Variants in ARID1B observed in about 807,000 individuals in gnomAD.
ARID1B encodes the protein AT-rich interactive domain-containing protein 1B.
Under a neutral mutation model 212.3 loss-of-function variants are expected in ARID1B, and 30 were observed. That is an observed-to-expected ratio of 0.14 (90% CI 0.11 to 0.19). The LOEUF is 0.19. Among genes scored for constraint, ARID1B ranks in the 10% least tolerant of loss-of-function variants. ARID1B has a pLI of 1.00. For missense variants in ARID1B, 2,891 were observed against 3,204.0 expected, an observed-to-expected ratio of 0.90 and a Z score of 2.36; for synonymous variants, 1,402 against 1,301.7, an observed-to-expected ratio of 1.08 and a Z score of -1.66.
At chr6:157,057,886 T>C (rs977051514) in intron 4 of ARID1B, among the ~76,000 whole-genome samples, 42 of 152,106 alleles carry the variant, frequency 2.8e-4, no homozygotes, top group African/African-American at 9.7e-4. Context: ...TATGAGTACA[T>C]TGAGTGGTTT....
At chr6:157,150,944 C>G (rs1790155292) in intron 8 of ARID1B, 2 of 171,070 alleles carry the variant, frequency 1.2e-5, no homozygotes, top group Admixed American at 1.3e-4. Context: ...GAAAGGAACA[C>G]CCAAACCAAG....
chr6:156,844,895 A>G (rs896506555), intron 2 of ARID1B, among the ~76,000 whole-genome samples: 2 of 152,218 alleles, frequency 1.3e-5, no homozygotes, highest in Non-Finnish European at 2.9e-5. Flanking sequence ...GTTTTAAGAA[A>G]TGTATACATC....
At chr6:156,897,264 C>CTTCTTCTTCTTCTTCTTCTTCTTCTTA (rs71027320) in intron 2 of ARID1B, among the ~76,000 whole-genome samples, 8 of 83,620 alleles carry the variant, frequency 9.6e-5, no homozygotes, top group Non-Finnish European at 1.4e-4. Context: ...TCTTCTTCTT[C>CTTCTTCTTCTTCTTCTTCTTCTTCTTA]TTATTATTAT....
chr6:156,892,637 A>T (rs1445500560), intron 2 of ARID1B, among the ~76,000 whole-genome samples: 1 of 152,214 alleles, frequency 6.6e-6, no homozygotes, highest in East Asian at 1.9e-4. Flanking sequence ...CACTATCCTA[A>T]TTAGACTATT....
chr6:156,837,475 C>T (rs1583134653), intron 2 of ARID1B, among the ~76,000 whole-genome samples: 1 of 152,190 alleles, frequency 6.6e-6, no homozygotes, highest in East Asian at 1.9e-4. Context: ...ATGAGGTAGG[C>T]TAGATGGCTT....
intron 4 of ARID1B, among the ~76,000 whole-genome samples, chr6:156,970,032 G>T (rs1187138758): frequency 3.4e-5 from 5 of 147,978 alleles, no homozygotes; most frequent in Non-Finnish European, 6.0e-5. Flanking sequence ...TAATTATTAA[G>T]AATAAAAGCT....
chr6:157,019,120 C>T (rs1215102017), intron 4 of ARID1B, among the ~76,000 whole-genome samples: 3 of 152,138 alleles, frequency 2.0e-5, no homozygotes, highest in African/African-American at 7.2e-5. Flanking sequence ...AGTCTAGACC[C>T]AGTTCTGTTG....
At chr6:156,953,824 C>T (rs1476765696) in intron 4 of ARID1B, among the ~76,000 whole-genome samples, 2 of 152,140 alleles carry the variant, frequency 1.3e-5, no homozygotes, top group East Asian at 1.9e-4. Flanking sequence ...TGGTATTTAG[C>T]GTTTAAACAC....
chr6:157,021,435 A>C (rs557098279), intron 4 of ARID1B, among the ~76,000 whole-genome samples: 1 of 152,232 alleles, frequency 6.6e-6, no homozygotes, highest in East Asian at 1.9e-4. Flanking sequence ...GAGGGGACCG[A>C]GTCACACAGC....
chr6:157,166,142 A>G (rs1791308563), intron 8 of ARID1B: 1 of 152,172 alleles, frequency 6.6e-6, no homozygotes, highest in African/African-American at 2.4e-5. Flanking sequence ...CCTTGCTATC[A>G]TTTCTGTTTT....
rs541944563 is a variant in ARID1B at position 156,985,447 on chromosome 6, C to G, written c.2247+49871C>G. 1.6e-3 allele frequency: 237 copies of G among 152,312 alleles called. 3 individuals are homozygous for G. Among genetic ancestry groups the G allele is most frequent in the African/African-American group, 5.4e-3 (225 of 41,572 alleles). 9.4% of individuals were successfully genotyped at this position (152,312 alleles called of 1,614,324 possible). A position where few individuals can be genotyped will look rare whatever the true frequency, so the allele number is the denominator to read the frequency against. On this transcript the variant is annotated intron_variant, in intron 4 of 19. Transcript: ENST00000636930. Reference sequence around the variant, plus strand: ...GAAGAAGTAAAAGTAAATCTTTAAACTCTAATTGCAAGGCTGTCTGCTCAT... The same window carrying G: ...GAAGAAGTAAAAGTAAATCTTTAAAGTCTAATTGCAAGGCTGTCTGCTCAT...
intron 4 of ARID1B, among the ~76,000 whole-genome samples, chr6:157,081,470 A>G (rs1784627858): frequency 6.6e-6 from 1 of 152,260 alleles, no homozygotes; most frequent in Non-Finnish European, 1.5e-5. Flanking sequence ...TATAATTTAC[A>G]TATAAAAGTC....
At chr6:156,835,791 G>C (rs922814422) in intron 2 of ARID1B, among the ~76,000 whole-genome samples, 2 of 151,982 alleles carry the variant, frequency 1.3e-5, no homozygotes, top group African/African-American at 4.8e-5. Context: ...GCCCGGGCTG[G>C]AGTGCAGTGG....
intron 6 of ARID1B, among the ~76,000 whole-genome samples, chr6:157,118,644 G>T (rs764608706): frequency 1.3e-5 from 2 of 152,248 alleles, no homozygotes; most frequent in Non-Finnish European, 2.9e-5. Context: ...CTCTGCCTCT[G>T]TGCTAGACTG....
chr6:156,960,086 A>G (rs1794265174), intron 4 of ARID1B, among the ~76,000 whole-genome samples: 1 of 151,856 alleles, frequency 6.6e-6, no homozygotes, highest in Non-Finnish European at 1.5e-5. Context: ...ACGCACCACC[A>G]TGCCCAGCTA....
chr6:156,778,889 C>CGGA lies in ARID1B; in HGVS notation c.1232_1234dup (p.Gly411dup), dbSNP rs747790383. The CGGA allele has an allele frequency of 1.8e-3, 2,408 of 1,366,378 alleles. 1 individual carries two copies. The highest frequency in any genetic ancestry group is 3.2e-3 in the South Asian group (184 of 57,210). 84.6% of individuals were successfully genotyped at this position (1,366,378 alleles called of 1,614,324 possible). A position where few individuals can be genotyped will look rare whatever the true frequency, so the allele number is the denominator to read the frequency against. On this transcript the variant is annotated inframe_insertion, in exon 1 of 20. Coordinates refer to ENST00000636930, the MANE Select transcript of ARID1B (RefSeq NM_001374828.1). ...GCGGCGGCGGAGGAGGAGGAGGCAGCGGAGGAGGAGGAGGAGGAGGAGGAG... is the reference window on the plus strand; with the variant it reads ...GCGGCGGCGGAGGAGGAGGAGGCAGCGGAGGAGGAGGAGGAGGAGGAGGAGGAG...
At chr6:157,029,157 A>C (rs762086496) in intron 4 of ARID1B, among the ~76,000 whole-genome samples, 15 of 152,240 alleles carry the variant, frequency 9.9e-5, no homozygotes, top group Non-Finnish European at 1.9e-4. Context: ...AAATGCATCA[A>C]ATGCATATAT....
intron 2 of ARID1B, among the ~76,000 whole-genome samples, chr6:156,856,690 TCTCTCTCTCTCACACACACACA>T (rs1209355488): frequency 1.2e-5 from 1 of 81,976 alleles, no homozygotes; most frequent in Admixed American, 1.2e-4. Flanking sequence ...TCTCTCTCTC[TCTCTCTCTCTCACACACACACA>T]CACACACACA....
intron 2 of ARID1B, among the ~76,000 whole-genome samples, chr6:156,899,156 A>G (rs548969209): frequency 6.6e-6 from 1 of 152,336 alleles, no homozygotes; most frequent in East Asian, 1.9e-4. Context: ...GGGCATCTAT[A>G]TGACTTAGGA....
Sources: gnomAD v4.1 joint callset for allele counts (sites outside exome capture counted in the v4.1 genomes callset) on GRCh38, gnomAD v4.1.1 for gene constraint, MANE v1.5 for transcripts, NCBI Gene and HGNC (gene_info 2026-07-23, HGNC 2026-07-21) for gene names.